The following FYCO1 variants were observed in gnomAD, a reference collection of about 807,000 sequenced individuals.
FYCO1 encodes the protein FYVE and coiled-coil domain autophagy adaptor 1, also known as FYVE and coiled-coil domain-containing protein 1.
FYCO1 carries 122 observed loss-of-function variants against 165.1 expected under a neutral mutation model. The observed-to-expected ratio is 0.74, with a 90% CI of 0.64 to 0.86. The LOEUF (loss-of-function observed/expected upper bound fraction) is 0.86, where lower values mean the gene tolerates loss of function less well. Ranked by LOEUF, FYCO1 falls within the 40% of genes least tolerant of loss-of-function variation. FYCO1 has a pLI of 0.00. For missense variants in FYCO1, 1,702 were observed against 1,810.3 expected, an observed-to-expected ratio of 0.94 and a Z score of 1.09; for synonymous variants, 648 against 742.5, an observed-to-expected ratio of 0.87 and a Z score of 2.07.
At chr3:45,995,342 A>G (rs1466732602) in intron 1 of FYCO1, among the ~76,000 whole-genome samples, 1 of 152,196 alleles carries the variant, frequency 6.6e-6, no homozygotes, top group Non-Finnish European at 1.5e-5. Flanking sequence ...CTTCCTAAAG[A>G]CCACGCAGGC....
intron 1 of FYCO1, among the ~76,000 whole-genome samples, chr3:45,989,780 A>G (rs979896349): frequency 6.6e-6 from 1 of 152,156 alleles, no homozygotes; most frequent in Non-Finnish European, 1.5e-5. Context: ...AACAGCCACT[A>G]TTCGAGTCCA....
At chr3:45,923,814 C>T in intron 16 of FYCO1, 49 bp from the exon 17 acceptor site, 1 of 1,202,688 alleles carries the variant, frequency 8.3e-7, no homozygotes, top group Non-Finnish European at 1.2e-6. Flanking sequence ...CTGAGAGGGC[C>T]CTCGGCATCC....
Position 45,967,089 on chromosome 3 carries a change from C to T in FYCO1, c.2245G>A (p.Ala749Thr). 1 of 1,614,026 alleles carries T rather than the reference C, an allele frequency of 6.2e-7. No homozygotes were observed. Among genetic ancestry groups the T allele is most frequent in the Non-Finnish European group, 8.5e-7 (1 of 1,180,036 alleles). The part of the protein sequence containing the change: ...QQTQLIEVLT[A>T]EKGQQGVGPP... The stretch of plus-strand genomic sequence containing the variant: ...CCAACTCCCTGTTGGCCTTTCTCTG[C>T]TGTGAGGACCTCAATCAGCTGGGTC... The change falls in exon 8 of 18, where the codon GCA (alanine) becomes ACA (threonine). Residue 749 changes from alanine to threonine, a missense_variant. By Grantham distance (58) the Ala-to-Thr change is moderately conservative. Coordinates refer to ENST00000296137, the MANE Select transcript of FYCO1 (RefSeq NM_024513.4).
chr3:45,942,053 A>G (rs561204089), intron 14 of FYCO1, among the ~76,000 whole-genome samples: 1 of 152,344 alleles, frequency 6.6e-6, no homozygotes, highest in Non-Finnish European at 1.5e-5. Flanking sequence ...GTTCATGCCC[A>G]TAAGGAACAC....
rs1453656997 is a variant in FYCO1 at position 45,918,972 on chromosome 3, G to T, written c.*2793C>A. On this transcript the variant is annotated 3_prime_UTR_variant, in exon 18 of 18. Coordinates refer to ENST00000296137, the MANE Select transcript of FYCO1 (RefSeq NM_024513.4). ...AGAGGTTGGCATGTTCTTGAAGGTG[G>T]TGAGTGGCTTCAGTGGCATGATGAA... The T allele has an allele frequency of 2.0e-5, 3 of 152,020 alleles. No individual in the cohort carries two copies. Among genetic ancestry groups the T allele is most frequent in the Non-Finnish European group, 4.4e-5 (3 of 68,006 alleles). 9.4% of individuals were successfully genotyped at this position (152,020 alleles called of 1,614,324 possible).
rs143332160 is a variant in FYCO1, at chr3:45,967,371, C to T, written c.1963G>A (p.Ala655Thr). 11 of 1,610,170 alleles carry T rather than the reference C, an allele frequency of 6.8e-6. No homozygotes were observed. Among genetic ancestry groups the T allele is most frequent in the African/African-American group, 1.3e-5 (1 of 74,994 alleles). ...DYQALQQRES[A>T]IQGSLASLEA... ...AGGGAGGCCAAGGAGCCCTGGATGG[C>T]TGATTCCCGCTGCTGCAAAGCCTGG... The change falls in exon 8 of 18, where the codon GCC becomes ACC. Residue 655 changes from alanine (A) to threonine (T), a missense_variant. Coordinates refer to ENST00000296137, the MANE Select transcript of FYCO1 (RefSeq NM_024513.4).
chr3:45,953,127 G>T (rs1362348805), intron 14 of FYCO1, among the ~76,000 whole-genome samples: 1 of 152,188 alleles, frequency 6.6e-6, no homozygotes, highest in African/African-American at 2.4e-5. Context: ...AGAGGGTTGT[G>T]GAGATACATG....
At position 45,974,972 on chromosome 3, in the gene FYCO1, G is replaced by A. The variant is rs12639598; in HGVS notation, c.395+267C>T. On this transcript the variant is annotated intron_variant, in intron 5 of 17. Coordinates refer to ENST00000296137, the MANE Select transcript of FYCO1 (RefSeq NM_024513.4). ...TCCACCAGGGAAAATGCCTGGTATC[G>A]GGAGTTAAGAGAGTAACGGGTGAGG... Among the ~76,000 whole-genome samples, 55,047 of 152,042 alleles carry A rather than the reference G, an allele frequency of 0.36. 11,866 individuals are homozygous for A. Among genetic ancestry groups the A allele is most frequent in the East Asian group, 0.66 (3,412 of 5,160 alleles).
chr3:45,967,620 C>T lies in FYCO1; in HGVS notation c.1714G>A (p.Glu572Lys), dbSNP rs1374482659. The T allele has an allele frequency of 1.2e-6, 2 of 1,614,094 alleles. No individual in the cohort carries two copies. The highest frequency in any genetic ancestry group is 1.6e-4 in the Middle Eastern group (1 of 6,062). Reference sequence around the variant, plus strand: ...CTGGAGTTCACAGGGACCAGGGCCTCATTCTTCTCACCTGCCACTGGCAGT... The same window carrying T: ...CTGGAGTTCACAGGGACCAGGGCCTTATTCTTCTCACCTGCCACTGGCAGT... ...PELPVAGEKN[E>K]ALVPVNSSLQ... is the part of the protein sequence containing the mutation. Residue 572 changes from glutamate (E) to lysine (K), a missense_variant, in exon 8 of 18, where the codon GAG becomes AAG. Coordinates refer to ENST00000296137, the MANE Select transcript of FYCO1 (RefSeq NM_024513.4).
At chr3:45,952,886 C>T (rs1022835046) in intron 14 of FYCO1, among the ~76,000 whole-genome samples, 5 of 152,124 alleles carry the variant, frequency 3.3e-5, no homozygotes, top group Non-Finnish European at 7.4e-5. Context: ...TGGCTTAGTG[C>T]TAGTGGAATG....
chr3:45,949,795 C>G (rs756622700), intron 14 of FYCO1, among the ~76,000 whole-genome samples: 3 of 152,130 alleles, frequency 2.0e-5, no homozygotes, highest in Non-Finnish European at 4.4e-5. Context: ...TTAGGAAAGC[C>G]CTGCCTGCCT....
Position 45,962,096 on chromosome 3 carries a change from G to T in FYCO1, c.3437+129C>A, listed in dbSNP as rs1295656113. The T allele has an allele frequency of 4.0e-6, 4 of 1,001,488 alleles. No individual in the cohort carries two copies. In the African/African-American group the frequency reaches 6.3e-5, roughly 16 times the overall value. 62.0% of individuals were successfully genotyped at this position (1,001,488 alleles called of 1,614,324 possible). ...GGAAAGTGAGATGGAGAAGGAGAGA[G>T]GGGCTCCTGAGACAGCAGCAAGAAA... On this transcript the variant is annotated intron_variant, in intron 11 of 17. Transcript: ENST00000296137. The surrounding 1 kb of genome is among the most constrained non-coding windows in gnomAD (Gnocchi z 4.4).
intron 8 of FYCO1, 55 bp downstream of exon 8, chr3:45,966,222 C>G: frequency 6.3e-7 from 1 of 1,586,720 alleles, no homozygotes; most frequent in Non-Finnish European, 8.6e-7. Context: ...CCCATGGACC[C>G]ACCAGGCCTG....
At chr3:45,994,960 A>G (rs1240311690) in intron 1 of FYCO1, among the ~76,000 whole-genome samples, 1 of 152,052 alleles carries the variant, frequency 6.6e-6, no homozygotes, top group Admixed American at 6.5e-5. Context: ...CAGAGAATAC[A>G]TGTGCTTTAA....
chr3:45,944,149 C>T (rs1022571935), intron 14 of FYCO1, among the ~76,000 whole-genome samples: 1 of 151,754 alleles, frequency 6.6e-6, no homozygotes, highest in Admixed American at 6.6e-5. Flanking sequence ...TCAAGGGGTT[C>T]ATGGACTCCC....
In FYCO1 at chr3:45,979,701, T is replaced by C. The variant is rs1706948856; in HGVS notation, c.288+4A>G. 1 of 1,613,814 alleles carries C rather than the reference T, an allele frequency of 6.2e-7. No individual in the cohort carries two copies. Among genetic ancestry groups the C allele is most frequent in the East Asian group, 2.2e-5 (1 of 44,870 alleles). The stretch of plus-strand genomic sequence containing the variant: ...TGAAGTTGTTGGCTGCTTGCTCAGC[T>C]TACCTCTGAGATAGACTTGACAAAG... On this transcript the variant is annotated splice_donor_region_variant and intron_variant, in intron 4 of 17. Transcript: ENST00000296137.
chr3:45,992,825 C>T (rs1293759238), intron 1 of FYCO1, among the ~76,000 whole-genome samples: 1 of 152,182 alleles, frequency 6.6e-6, no homozygotes, highest in Non-Finnish European at 1.5e-5. Context: ...CAGGAAATTC[C>T]TTCCAGCTCC....
chr3:45,955,520 T>C, intron 13 of FYCO1, 127 bp from the exon 14 acceptor site: 1 of 1,054,346 alleles, frequency 9.5e-7, no homozygotes, highest in African/African-American at 1.6e-5. Context: ...ACAATTTAAG[T>C]GGTCACTCAA....
intron 16 of FYCO1, among the ~76,000 whole-genome samples, chr3:45,924,170 T>G (rs1342933474): frequency 1.3e-5 from 2 of 152,190 alleles, no homozygotes; most frequent in African/African-American, 4.8e-5. Flanking sequence ...CAGGACAGGC[T>G]GAGACCTCCT....
Sources: gnomAD v4.1 joint callset for allele counts (sites outside exome capture counted in the v4.1 genomes callset) on GRCh38, gnomAD v4.1.1 for gene constraint, Gnocchi (gnomAD v3.1) non-coding constraint, MANE v1.5 for transcripts, NCBI Gene and HGNC (gene_info 2026-07-23, HGNC 2026-07-21) for gene names.